Variants in PACRG observed in about 807,000 individuals in gnomAD.
PACRG encodes the protein parkin coregulated gene protein.
PACRG carries 29 observed loss-of-function variants against 29.7 expected under a neutral mutation model. The observed-to-expected ratio is 0.98, with a 90% CI of 0.73 to 1.33. The LOEUF is 1.33. Among genes scored for constraint, PACRG ranks in the 40% most tolerant of loss-of-function variants. The pLI is 0.00. For missense variants in PACRG, 279 were observed against 316.2 expected, an observed-to-expected ratio of 0.88 and a Z score of 0.89; for synonymous variants, 116 against 118.7, an observed-to-expected ratio of 0.98 and a Z score of 0.15.
chr6:162,767,150 T>C (rs1453950067), intron 1 of PACRG, among the ~76,000 whole-genome samples: 3 of 152,052 alleles, frequency 2.0e-5, no homozygotes, highest in Admixed American at 1.3e-4. Context: ...TGTAACGTTA[T>C]TGAATTGTCC....
chr6:162,926,098 G>A (rs535900066), intron 2 of PACRG, among the ~76,000 whole-genome samples: 4 of 152,136 alleles, frequency 2.6e-5, no homozygotes, highest in Admixed American at 6.6e-5. Flanking sequence ...AGCTAGCAAG[G>A]GATGTGAAGG....
intron 4 of PACRG, among the ~76,000 whole-genome samples, chr6:163,095,017 G>T (rs1331567992): frequency 1.3e-5 from 2 of 152,186 alleles, no homozygotes; most frequent in Non-Finnish European, 2.9e-5. Flanking sequence ...CTTTGAGGAT[G>T]GGGAGGGAGG....
chr6:162,852,025 A>G (rs73019521), intron 2 of PACRG, among the ~76,000 whole-genome samples: 48 of 135,802 alleles, frequency 3.5e-4, no homozygotes, highest in South Asian at 8.8e-4. Context: ...GGAAGGAAGG[A>G]AGGAAGGAAG....
chr6:163,265,908 C>T (rs2128177265), intron 4 of PACRG, among the ~76,000 whole-genome samples: 1 of 152,298 alleles, frequency 6.6e-6, no homozygotes, highest in South Asian at 2.1e-4. Context: ...CTGTACATTT[C>T]ACTTCTGCAA....
At chr6:163,025,477 T>A (rs1309131435) in intron 2 of PACRG, among the ~76,000 whole-genome samples, 1 of 152,110 alleles carries the variant, frequency 6.6e-6, no homozygotes, top group Non-Finnish European at 1.5e-5. Flanking sequence ...GAGCACAATC[T>A]CACTTCCAGT....
intron 4 of PACRG, among the ~76,000 whole-genome samples, chr6:163,161,756 C>T (rs1357793143): frequency 1.3e-5 from 2 of 152,166 alleles, no homozygotes. Flanking sequence ...TGTCCTCTGA[C>T]ATCGGGGTTC....
At chr6:163,243,986 G>T (rs548910005) in intron 4 of PACRG, among the ~76,000 whole-genome samples, 1 of 152,332 alleles carries the variant, frequency 6.6e-6, no homozygotes, top group African/African-American at 2.4e-5. Context: ...TAACATGTGG[G>T]CATCTGACAA....
intron 3 of PACRG, among the ~76,000 whole-genome samples, chr6:163,079,934 G>C (rs1812924513): frequency 8.9e-6 from 1 of 112,298 alleles, no homozygotes; most frequent in African/African-American, 3.6e-5. Flanking sequence ...GTCTCACTCT[G>C]TCGCCCAGGC....
intron 4 of PACRG, among the ~76,000 whole-genome samples, chr6:163,289,351 A>G (rs532370104): frequency 6.6e-6 from 1 of 152,208 alleles, no homozygotes; most frequent in African/African-American, 2.4e-5. Context: ...TTTCCTAACT[A>G]TTTCCAAATC....
intron 4 of PACRG, among the ~76,000 whole-genome samples, chr6:163,162,599 C>A (rs1350879182): frequency 3.9e-5 from 6 of 152,234 alleles, no homozygotes; most frequent in African/African-American, 1.4e-4. Context: ...AAGAAAGACC[C>A]CAGTTCACAC....
chr6:162,786,897 A>T (rs902033224), intron 1 of PACRG, among the ~76,000 whole-genome samples: 3 of 152,182 alleles, frequency 2.0e-5, no homozygotes, highest in African/African-American at 7.2e-5. Flanking sequence ...CATTTACAAA[A>T]TCAAATGCAC....
rs373007833 is a variant in PACRG at position 162,761,410 on chromosome 6, T to C, written c.156+33019T>C. 6.8e-4 allele frequency among the ~76,000 whole-genome samples: 103 copies of C among 152,284 alleles called. No individual in the cohort carries two copies. In the East Asian group the frequency reaches 0.01, roughly 15 times the overall value. On this transcript the variant is annotated intron_variant, in intron 1 of 4. Coordinates refer to ENST00000366888, the MANE Select transcript of PACRG (RefSeq NM_001080379.2). ...TAAATATAAAGGCGCAGGATCACGA[T>C]TTATTTGCTTGTCAGTATGGAGTAT...
At chr6:162,942,104 T>C (rs1798674181) in intron 2 of PACRG, among the ~76,000 whole-genome samples, 1 of 152,146 alleles carries the variant, frequency 6.6e-6, no homozygotes, top group Non-Finnish European at 1.5e-5. Flanking sequence ...AAATAAACAG[T>C]CTAAAACTCC....
intron 4 of PACRG, among the ~76,000 whole-genome samples, chr6:163,092,532 G>T (rs952570363): frequency 2.6e-5 from 4 of 152,192 alleles, no homozygotes; most frequent in Non-Finnish European, 5.9e-5. Context: ...TTAGGCTATA[G>T]TTAAAACAAG....
intron 2 of PACRG, among the ~76,000 whole-genome samples, chr6:162,908,741 C>T (rs1796102751): frequency 6.6e-6 from 1 of 152,158 alleles, no homozygotes; most frequent in Non-Finnish European, 1.5e-5. Context: ...AGGGGCATGG[C>T]ATACTTGGAT....
At chr6:162,733,483 A>G (rs909138900) in intron 1 of PACRG, among the ~76,000 whole-genome samples, 2 of 151,978 alleles carry the variant, frequency 1.3e-5, no homozygotes, top group Non-Finnish European at 2.9e-5. Context: ...ATTTGTCTCT[A>G]TTTTGAATTT....
chr6:162,850,667 G>C (rs552358369), intron 2 of PACRG, among the ~76,000 whole-genome samples: 1 of 152,054 alleles, frequency 6.6e-6, no homozygotes, highest in African/African-American at 2.4e-5. Context: ...TGGAGAGGGC[G>C]GGGAAGCTCC....
chr6:163,053,452 A>G (rs1810236038), intron 2 of PACRG, among the ~76,000 whole-genome samples: 1 of 152,214 alleles, frequency 6.6e-6, no homozygotes, highest in African/African-American at 2.4e-5. Flanking sequence ...TGTAAAAAAC[A>G]GAACTGTTGC....
At chr6:163,054,325 T>C (rs958554197) in intron 2 of PACRG, among the ~76,000 whole-genome samples, 4 of 152,300 alleles carry the variant, frequency 2.6e-5, no homozygotes, top group Non-Finnish European at 5.9e-5. Context: ...GGAAGGGCCC[T>C]GTGAGGACAT....
Sources: allele counts gnomAD v4.1 joint callset (sites outside exome capture counted in the v4.1 genomes callset), GRCh38; gene constraint gnomAD v4.1.1; transcripts MANE v1.5; gene names NCBI Gene and HGNC (gene_info 2026-07-23, HGNC 2026-07-21).